The following ZNF106 variants were observed in gnomAD, a reference collection of about 807,000 sequenced individuals.
The protein encoded by ZNF106 is SH3-domain binding protein 3.
In ZNF106, 67 loss-of-function variants were observed where a neutral mutation model predicts 195.1. That is an observed-to-expected ratio of 0.34 (90% CI 0.28 to 0.42). The LOEUF (loss-of-function observed/expected upper bound fraction) is 0.42. Ranked by LOEUF, ZNF106 falls within the 10% of genes least tolerant of loss-of-function variation. The probability of loss-of-function intolerance (pLI) is 1.00; values close to 1 mark genes in which losing one functional copy is unlikely to be tolerated. For synonymous variants in ZNF106, 784 were observed against 818.6 expected, an observed-to-expected ratio of 0.96 and a Z score of 0.72; for missense variants, 2,118 against 2,304.5, an observed-to-expected ratio of 0.92 and a Z score of 1.66.
At chr15:42,461,224 T>C (rs562880100) in intron 3 of ZNF106, among the ~76,000 whole-genome samples, 1 of 152,354 alleles carries the variant, frequency 6.6e-6, no homozygotes, top group East Asian at 1.9e-4. Flanking sequence ...AAAAGCCTAA[T>C]AGCAAGTTAA....
chr15:42,460,118 A>T (rs577708854), intron 3 of ZNF106, among the ~76,000 whole-genome samples: 6 of 152,220 alleles, frequency 3.9e-5, no homozygotes, highest in Admixed American at 2.0e-4. Context: ...CTACTTTTCT[A>T]CCTAAAAGCT....
intron 7 of ZNF106, among the ~76,000 whole-genome samples, chr15:42,446,361 A>T (rs2055769126): frequency 6.6e-6 from 1 of 152,152 alleles, no homozygotes; most frequent in South Asian, 2.1e-4. Flanking sequence ...TGAGAGGATC[A>T]CTGGAGTCCA....
In ZNF106 at chr15:42,446,613, T is replaced by G; in HGVS notation, c.3181A>C (p.Arg1061=). 6.2e-7 allele frequency: 1 copy of G among 1,601,800 alleles called. No homozygotes were observed. Among genetic ancestry groups the G allele is most frequent in the South Asian group, 1.1e-5 (1 of 89,526 alleles). Residue 1061 remains arginine, a synonymous_variant, in exon 7 of 22, where the codon AGA becomes CGA. Coordinates refer to ENST00000564754, the MANE Select transcript of ZNF106 (RefSeq NM_001366845.3). ...CCTTTTTTTCCTTTAATTTTCCTTC[T>G]TTTATTTTTTCTCTCAAGACTTGGG... The part of the protein sequence containing the change: ...ELPSLERKNK[R]RKIKGKKERS...
At chr15:42,490,409 A>G (rs1283344385) in intron 1 of ZNF106, 4 of 152,290 alleles carry the variant, frequency 2.6e-5, no homozygotes, top group African/African-American at 7.2e-5. Flanking sequence ...ACTCTCAAAG[A>G]TGATTACACA....
intron 14 of ZNF106, among the ~76,000 whole-genome samples, chr15:42,431,955 T>G (rs2055063307): frequency 6.6e-6 from 1 of 152,196 alleles, no homozygotes; most frequent in Non-Finnish European, 1.5e-5. Flanking sequence ...GTTTTTTATT[T>G]AGTAGTCTAT....
In ZNF106 at chr15:42,448,362, T is replaced by C. The variant is rs142908361; in HGVS notation, c.2845A>G (p.Arg949Gly). The C allele has an allele frequency of 2.0e-3, 3,289 of 1,614,152 alleles. 10 individuals carry two copies. Among genetic ancestry groups the C allele is most frequent in the Middle Eastern group, 0.011 (64 of 6,062 alleles). Residue 949 changes from arginine to glycine, a missense_variant, in exon 6 of 22, where the codon AGG becomes GGG. Coordinates refer to ENST00000564754, the MANE Select transcript of ZNF106 (RefSeq NM_001366845.3). ...CTTTGGGTAGCAACATTTTCAGCCC[T>C]TTCACCTGTTCGGAGGGAGGCAGCC... ...PRAASLRTGE[R>G]AENVATQRRH...
Position 42,439,445 on chromosome 15 carries a change from G to A in ZNF106, c.4132C>T (p.Leu1378Phe), listed in dbSNP as rs750300346. Residue 1378 changes from leucine (L) to phenylalanine (F), a missense_variant, in exon 11 of 22, where the codon CTC becomes TTC. Coordinates refer to ENST00000564754, the MANE Select transcript of ZNF106 (RefSeq NM_001366845.3). ...GCCCGTAGACTTTTCTTCTTCCGGA[G>A]TTTCTTCTTTTTCTTGCTTCCCCTA... Reference protein sequence around the residue: ...ETRGSKKKKKLRKKKSLRAAH... With the variant: ...ETRGSKKKKKFRKKKSLRAAH... 1.2e-6 allele frequency: 2 copies of A among 1,613,394 alleles called. No individual in the cohort carries two copies. The highest frequency in any genetic ancestry group is 2.2e-5 in the South Asian group (2 of 90,918).
chr15:42,431,787 T>G (rs1469535961), intron 14 of ZNF106, among the ~76,000 whole-genome samples: 1 of 152,046 alleles, frequency 6.6e-6, no homozygotes, highest in African/African-American at 2.4e-5. Flanking sequence ...AATTTTTTTG[T>G]ATTTTTAGTA....
intron 3 of ZNF106, among the ~76,000 whole-genome samples, chr15:42,460,042 CAAAA>C (rs1288163141): frequency 2.2e-5 from 2 of 91,370 alleles, no homozygotes; most frequent in Non-Finnish European, 4.5e-5. Flanking sequence ...GACTTGGCCT[CAAAA>C]AAAAAAAAAA....
rs140161006 is a variant in ZNF106 at position 42,414,079 on chromosome 15, A to G, written c.*3225T>C. 1.0e-3 allele frequency: 155 copies of G among 152,354 alleles called. No individual in the cohort carries two copies. The highest frequency in any genetic ancestry group is 3.7e-3 in the African/African-American group (154 of 41,582). 9.4% of individuals were successfully genotyped at this position (152,354 alleles called of 1,614,324 possible). A position where few individuals can be genotyped will look rare whatever the true frequency, so the allele number is the denominator to read the frequency against. ...CAAAAGCAACCGAGAGTAACATTCT[A>G]AAAGTGGCTTCAACTACTTTAAAGA... is the stretch of plus-strand genomic sequence containing the variant. On this transcript the variant is annotated 3_prime_UTR_variant, in exon 22 of 22. Transcript: ENST00000564754.
chr15:42,418,155 C>T (rs369255079), intron 20 of ZNF106, among the ~76,000 whole-genome samples: 30 of 152,128 alleles, frequency 2.0e-4, no homozygotes, highest in Non-Finnish European at 1.2e-4. Context: ...CTGGAAAAAT[C>T]TTTTGATATT....
rs145717769 is a variant in ZNF106 at position 42,434,897 on chromosome 15, C to G, written c.4881+487G>C. On this transcript the variant is annotated intron_variant, in intron 14 of 21. Coordinates refer to ENST00000564754, the MANE Select transcript of ZNF106 (RefSeq NM_001366845.3). ...CAAGTGATTCTCCTGCCTCAGCCTC[C>G]CAAGTAGCTGCAATTACAGGCATGC... 9.2e-3 allele frequency among the ~76,000 whole-genome samples: 1,396 copies of G among 152,136 alleles called. 29 individuals are homozygous for G. Among genetic ancestry groups the G allele is most frequent in the African/African-American group, 0.032 (1,344 of 41,500 alleles).
chr15:42,452,564 T>C (rs2056074602), intron 4 of ZNF106, among the ~76,000 whole-genome samples: 1 of 152,138 alleles, frequency 6.6e-6, no homozygotes, highest in African/African-American at 2.4e-5. Flanking sequence ...TCCCTCCCTT[T>C]CTTGGTCTTG....
At chr15:42,471,456 A>AC (rs1236258478) in intron 2 of ZNF106, among the ~76,000 whole-genome samples, 1 of 152,220 alleles carries the variant, frequency 6.6e-6, no homozygotes, top group Non-Finnish European at 1.5e-5. Context: ...TTGGCCGGGC[A>AC]CAGTGGCTCA....
At position 42,417,951 on chromosome 15, in the gene ZNF106, A is replaced by G. The variant is rs746917502; in HGVS notation, c.5518T>C (p.Trp1840Arg). 1.2e-6 allele frequency: 2 copies of G among 1,611,602 alleles called. No individual in the cohort carries two copies. The highest frequency in any genetic ancestry group is 8.5e-7 in the Non-Finnish European group (1 of 1,178,992). ...LNLMQNYRCW[W>R]HGCSLIFGVV... ...CCAAATATCAGAGAGCAACCATGCCACTGGAGAGAAAGAAAATGAGGAGAC... is the reference window on the plus strand; with the variant it reads ...CCAAATATCAGAGAGCAACCATGCCGCTGGAGAGAAAGAAAATGAGGAGAC... Residue 1840 changes from tryptophan (W) to arginine (R), a missense_variant and splice_region_variant, in exon 21 of 22, where the codon TGG becomes CGG. Trp to Arg is a moderately radical substitution (Grantham distance 101). Coordinates refer to ENST00000564754, the MANE Select transcript of ZNF106 (RefSeq NM_001366845.3).
intron 1 of ZNF106, among the ~76,000 whole-genome samples, chr15:42,482,357 G>T (rs1457916488): frequency 6.6e-6 from 1 of 151,880 alleles, no homozygotes; most frequent in Admixed American, 6.6e-5. Flanking sequence ...GAGTAGTTTT[G>T]GAATATATCC....
chr15:42,416,246 G>GCTA lies in ZNF106; in HGVS notation c.*1057_*1058insTAG, dbSNP rs2054456159. On this transcript the variant is annotated 3_prime_UTR_variant, in exon 22 of 22. Transcript: ENST00000564754. ...AACTGTCTCAGAAACAAGTCTCTAGGAAGTCTGCTTGAGGTCCTGAAAACT... is the reference window on the plus strand; with the variant it reads ...AACTGTCTCAGAAACAAGTCTCTAGGCTAAAGTCTGCTTGAGGTCCTGAAAACT... 6.6e-6 allele frequency: 1 copy of GCTA among 152,210 alleles called. No homozygotes were observed. Among genetic ancestry groups the GCTA allele is most frequent in the African/African-American group, 2.4e-5 (1 of 41,424 alleles). 9.4% of individuals were successfully genotyped at this position (152,210 alleles called of 1,614,324 possible). A position where few individuals can be genotyped will look rare whatever the true frequency, so the allele number is the denominator to read the frequency against.
chr15:42,454,049 T>A lies in ZNF106; in HGVS notation c.318-2095A>T, dbSNP rs1271165597. On this transcript the variant is annotated intron_variant, in intron 4 of 21. Coordinates refer to ENST00000564754, the MANE Select transcript of ZNF106 (RefSeq NM_001366845.3). ...ACCACAGGCCTTCAGAGAATCAACATCTCAAAACAAAGTTTCCACATTTAA... is the reference window on the plus strand; with the variant it reads ...ACCACAGGCCTTCAGAGAATCAACAACTCAAAACAAAGTTTCCACATTTAA... Among the ~76,000 whole-genome samples, 4 of 152,136 alleles carry A rather than the reference T, an allele frequency of 2.6e-5. No homozygotes were observed. The South Asian group carries it at 8.3e-4, about 32-fold the overall frequency.
rs560698781 is a variant in ZNF106 at position 42,436,989 on chromosome 15, G to A, written c.4746+243C>T. 3.7e-4 allele frequency among the ~76,000 whole-genome samples: 56 copies of A among 152,318 alleles called. No homozygotes were observed. In the South Asian group the frequency reaches 0.011, roughly 30 times the overall value. On this transcript the variant is annotated intron_variant, in intron 13 of 21. Coordinates refer to ENST00000564754, the MANE Select transcript of ZNF106 (RefSeq NM_001366845.3). ...TCCAGTGGCTCCTGACATTTACCCT[G>A]TAAGCAGGAGGGGAACTAGCTTTCA...
Sources: gnomAD v4.1 joint callset for allele counts (sites outside exome capture counted in the v4.1 genomes callset) on GRCh38, gnomAD v4.1.1 for gene constraint, MANE v1.5 for transcripts, NCBI Gene and HGNC (gene_info 2026-07-23, HGNC 2026-07-21) for gene names.